Variants in PRKN observed in about 807,000 individuals in gnomAD.
The protein encoded by PRKN is E3 ubiquitin-protein ligase parkin.
In PRKN, 56 loss-of-function variants were observed where a neutral mutation model predicts 59.5. The ratio of observed to expected loss-of-function variants is 0.94; its 90% CI spans 0.76 to 1.18. The LOEUF (loss-of-function observed/expected upper bound fraction) is 1.18. Among genes scored for constraint, PRKN ranks in the 50% most tolerant of loss-of-function variants. PRKN has a pLI of 0.00. For synonymous variants in PRKN, 250 were observed against 222.1 expected (o/e 1.13, Z -1.12); for missense variants, 657 against 596.4 (o/e 1.10, Z -1.06).
intron 3 of PRKN, among the ~76,000 whole-genome samples, chr6:162,218,571 A>G (rs1295220360): frequency 6.6e-6 from 1 of 152,194 alleles, no homozygotes; most frequent in East Asian, 1.9e-4. Context: ...TTAATTTTTA[A>G]GTTTACCAGG....
intron 7 of PRKN, among the ~76,000 whole-genome samples, chr6:161,602,392 C>T (rs1782139887): frequency 1.3e-5 from 2 of 152,248 alleles, no homozygotes; most frequent in Non-Finnish European, 2.9e-5. Context: ...TGAAATTCAA[C>T]ACCGGCTTGT....
intron 3 of PRKN, among the ~76,000 whole-genome samples, chr6:162,252,386 G>A (rs1779471081): frequency 6.6e-6 from 1 of 152,192 alleles, no homozygotes; most frequent in East Asian, 1.9e-4. Flanking sequence ...GACTGCAATG[G>A]TTAAGTCATC....
At chr6:162,071,152 GTT>G (rs998664288) in intron 4 of PRKN, among the ~76,000 whole-genome samples, 1 of 151,068 alleles carries the variant, frequency 6.6e-6, no homozygotes, top group African/African-American at 2.4e-5. Context: ...GACATTTGCA[GTT>G]TAATATTTTG....
At chr6:162,505,376 G>C (rs1302130271) in intron 1 of PRKN, among the ~76,000 whole-genome samples, 1 of 152,110 alleles carries the variant, frequency 6.6e-6, no homozygotes, top group Admixed American at 6.5e-5. Context: ...AAGCATACTA[G>C]AGCAATTTTT....
At chr6:162,168,757 T>C (rs1294587433) in intron 4 of PRKN, among the ~76,000 whole-genome samples, 1 of 152,112 alleles carries the variant, frequency 6.6e-6, no homozygotes, top group Admixed American at 6.6e-5. Context: ...ACAATCATTG[T>C]ACACTGAAAA....
At chr6:161,740,578 C>G (rs757580046) in intron 7 of PRKN, among the ~76,000 whole-genome samples, 5 of 152,162 alleles carry the variant, frequency 3.3e-5, no homozygotes, top group African/African-American at 1.2e-4. Flanking sequence ...CTGAATGGGC[C>G]GTTTGCAACA....
intron 1 of PRKN, among the ~76,000 whole-genome samples, chr6:162,566,622 C>G (rs897641276): frequency 2.0e-5 from 3 of 151,910 alleles, no homozygotes; most frequent in Admixed American, 6.6e-5. Context: ...TAACAAGTAA[C>G]AAGATTAAAG....
At chr6:162,058,487 C>G (rs760121406) in intron 4 of PRKN, among the ~76,000 whole-genome samples, 6 of 152,270 alleles carry the variant, frequency 3.9e-5, no homozygotes, top group Non-Finnish European at 5.9e-5. Context: ...CCCAGTGAAC[C>G]ACACTGTGCT....
At chr6:162,307,287 C>A (rs1166120719) in intron 2 of PRKN, among the ~76,000 whole-genome samples, 4 of 151,608 alleles carry the variant, frequency 2.6e-5, no homozygotes, top group African/African-American at 9.7e-5. Context: ...ATAATCCCAG[C>A]TACTCAGGAA....
At chr6:161,634,129 A>C (rs1783424528) in intron 7 of PRKN, among the ~76,000 whole-genome samples, 1 of 152,156 alleles carries the variant, frequency 6.6e-6, no homozygotes, top group Non-Finnish European at 1.5e-5. Flanking sequence ...TCTGTCCCAT[A>C]GGTGAGTCAG....
rs1554275651 is a variant in PRKN at position 161,554,431 on chromosome 6, C to CACACACAA, written c.934-5429_934-5428insTTGTGTGT. On this transcript the variant is annotated intron_variant, in intron 8 of 11. Transcript: ENST00000366898. This position sits in a 1 kb window ranked among gnomAD's most constrained non-coding sequence, Gnocchi z 4.5. ...ACACACACACACACACACACACACACGCATGCAGGCACAACCATCAGTACT... is the reference window on the plus strand; with the variant it reads ...ACACACACACACACACACACACACACACACACAAGCATGCAGGCACAACCATCAGTACT... Among the ~76,000 whole-genome samples the CACACACAA allele has an allele frequency of 1.3e-5, 2 of 151,088 alleles. No homozygotes were observed. The highest frequency in any genetic ancestry group is 4.9e-5 in the African/African-American group (2 of 41,094).
chr6:161,863,760 A>T (rs1385762853), intron 6 of PRKN, among the ~76,000 whole-genome samples: 1 of 152,170 alleles, frequency 6.6e-6, no homozygotes, highest in Admixed American at 6.5e-5. Context: ...GTATATAGGC[A>T]TAGCTCATAG....
chr6:162,230,527 C>A (rs1412105365), intron 3 of PRKN, among the ~76,000 whole-genome samples: 1 of 152,202 alleles, frequency 6.6e-6, no homozygotes, highest in African/African-American at 2.4e-5. Flanking sequence ...GCTCTGATCA[C>A]AATTTGAATA....
At chr6:162,118,016 A>T (rs1241686118) in intron 4 of PRKN, among the ~76,000 whole-genome samples, 6 of 151,798 alleles carry the variant, frequency 4.0e-5, no homozygotes, top group Admixed American at 3.9e-4. Context: ...GAATTGCTTG[A>T]ACCTGGGAGA....
chr6:162,348,468 C>CTA (rs1308873493), intron 2 of PRKN, among the ~76,000 whole-genome samples: 1 of 151,980 alleles, frequency 6.6e-6, no homozygotes, highest in East Asian at 1.9e-4. Context: ...CAATAAATAC[C>CTA]TATATTAGAA....
intron 6 of PRKN, among the ~76,000 whole-genome samples, chr6:161,855,082 CA>C (rs1203185737): frequency 1.6e-3 from 73 of 45,624 alleles, no homozygotes; most frequent in East Asian, 2.1e-3. Context: ...GACTTCATCT[CA>C]AAAAAAAAAA....
At chr6:162,585,741 C>T (rs1000069983) in intron 1 of PRKN, among the ~76,000 whole-genome samples, 9 of 151,954 alleles carry the variant, frequency 5.9e-5, no homozygotes, top group Non-Finnish European at 1.2e-4. Context: ...TTGCTCTTGT[C>T]GCCCAAGCTG....
At chr6:162,465,407 C>T (rs1791369079) in intron 1 of PRKN, among the ~76,000 whole-genome samples, 1 of 152,120 alleles carries the variant, frequency 6.6e-6, no homozygotes, top group African/African-American at 2.4e-5. Flanking sequence ...ATGCACAACA[C>T]TTAATAGAGA....
At chr6:161,679,932 T>C (rs1408149441) in intron 7 of PRKN, among the ~76,000 whole-genome samples, 1 of 151,762 alleles carries the variant, frequency 6.6e-6, no homozygotes, top group Non-Finnish European at 1.5e-5. Flanking sequence ...TTTTTTTTAT[T>C]TTTAGTAGAG....
Sources: allele counts gnomAD v4.1 joint callset (sites outside exome capture counted in the v4.1 genomes callset), GRCh38; gene constraint gnomAD v4.1.1; non-coding constraint Gnocchi (gnomAD v3.1); transcripts MANE v1.5; gene names NCBI Gene and HGNC (gene_info 2026-07-23, HGNC 2026-07-21).